PDE10A: variants seen among roughly 807,000 people sequenced by gnomAD.
PDE10A encodes the protein phosphodiesterase 10A.
Under a neutral mutation model 97.7 loss-of-function variants are expected in PDE10A, and 39 were observed. The observed-to-expected ratio is 0.40, with a 90% CI of 0.31 to 0.52. The LOEUF (loss-of-function observed/expected upper bound fraction) is 0.52. PDE10A is among the 20% of genes least tolerant of loss of function. PDE10A has a pLI of 0.56. For synonymous variants in PDE10A, 371 were observed against 376.8 expected, an observed-to-expected ratio of 0.98 and a Z score of 0.18; for missense variants, 731 against 1,047.8, an observed-to-expected ratio of 0.70 and a Z score of 4.17.
chr6:165,424,752 T>C (rs1788993772), intron 10 of PDE10A, among the ~76,000 whole-genome samples: 1 of 152,146 alleles, frequency 6.6e-6, no homozygotes, highest in Admixed American at 6.5e-5. Context: ...AATATTACAA[T>C]TAAATAGCCT....
At chr6:165,948,547 T>C (rs1298817999) in intron 1 of PDE10A, 4 of 152,280 alleles carry the variant, frequency 2.6e-5, no homozygotes, top group African/African-American at 7.2e-5. Context: ...GAAATGGCAG[T>C]GCGGCCTTCG....
At chr6:165,805,570 C>T (rs974024357) in intron 1 of PDE10A, among the ~76,000 whole-genome samples, 4 of 152,114 alleles carry the variant, frequency 2.6e-5, no homozygotes, top group African/African-American at 9.7e-5. Flanking sequence ...CCAGCCACTT[C>T]CCCGACCCTC....
At chr6:165,682,740 T>G (rs187761412) in intron 1 of PDE10A, among the ~76,000 whole-genome samples, 1 of 152,334 alleles carries the variant, frequency 6.6e-6, no homozygotes, top group Non-Finnish European at 1.5e-5. Flanking sequence ...TTTATGGCAC[T>G]TTGTTGTAGC....
intron 1 of PDE10A, among the ~76,000 whole-genome samples, chr6:165,546,109 G>A (rs558796370): frequency 6.6e-6 from 1 of 152,022 alleles, no homozygotes; most frequent in East Asian, 1.9e-4. Flanking sequence ...AAGCCATGAA[G>A]TAACATGGAT....
At chr6:165,426,065 C>T (rs1370276031) in intron 10 of PDE10A, among the ~76,000 whole-genome samples, 1 of 151,846 alleles carries the variant, frequency 6.6e-6, no homozygotes, top group Non-Finnish European at 1.5e-5. Flanking sequence ...GGAAAAATAC[C>T]TCACGTTCGT....
chr6:165,892,400 C>G (rs1781829117), intron 1 of PDE10A, among the ~76,000 whole-genome samples: 1 of 152,364 alleles, frequency 6.6e-6, no homozygotes, highest in South Asian at 2.1e-4. Context: ...CCACATCAGA[C>G]CACAGCAGGG....
chr6:165,780,164 TA>T (rs1406082586), intron 1 of PDE10A: 1 of 152,218 alleles, frequency 6.6e-6, no homozygotes, highest in East Asian at 1.9e-4. Flanking sequence ...ATTTAATAAA[TA>T]AAAATACTAA....
chr6:165,510,459 G>A (rs996779578), intron 2 of PDE10A, among the ~76,000 whole-genome samples: 1 of 151,910 alleles, frequency 6.6e-6, no homozygotes, highest in Admixed American at 6.6e-5. Context: ...TTGCATCTAT[G>A]TTTATCAGAG....
chr6:165,334,939 T>C (rs1781561300), intron 21 of PDE10A, among the ~76,000 whole-genome samples: 1 of 152,138 alleles, frequency 6.6e-6, no homozygotes, highest in Admixed American at 6.5e-5. Flanking sequence ...TGGTTTTGTG[T>C]AAAACTCTCT....
intron 1 of PDE10A, among the ~76,000 whole-genome samples, chr6:165,757,349 A>G (rs1159639689): frequency 6.6e-6 from 1 of 151,582 alleles, no homozygotes; most frequent in East Asian, 1.9e-4. Flanking sequence ...CTTTTACTTT[A>G]GTTTATCATG....
intron 6 of PDE10A, 146 bp from the exon 7 acceptor site, chr6:165,433,275 T>C (rs1789732296): frequency 5.2e-6 from 3 of 577,416 alleles, no homozygotes; most frequent in South Asian, 5.7e-5. Context: ...ATAGCCACCA[T>C]AAATCTTAGG....
intron 17 of PDE10A, among the ~76,000 whole-genome samples, chr6:165,387,190 G>A (rs930961609): frequency 5.9e-5 from 9 of 152,120 alleles, no homozygotes; most frequent in Non-Finnish European, 1.2e-4. Context: ...TACCTACTGG[G>A]GATGGCTTGA....
intron 1 of PDE10A, among the ~76,000 whole-genome samples, chr6:165,645,492 G>A (rs1789348514): frequency 6.6e-6 from 1 of 152,122 alleles, no homozygotes; most frequent in African/African-American, 2.4e-5. Flanking sequence ...CTTAGGGTGA[G>A]TTTACAGACA....
chr6:165,693,848 G>C (rs1169554788), intron 1 of PDE10A, among the ~76,000 whole-genome samples: 2 of 152,268 alleles, frequency 1.3e-5, no homozygotes, highest in East Asian at 3.9e-4. Flanking sequence ...GGGCCTTCCT[G>C]AAACAGTTCT....
At chr6:165,609,343 C>T (rs1048942896) in intron 1 of PDE10A, among the ~76,000 whole-genome samples, 19 of 152,178 alleles carry the variant, frequency 1.2e-4, no homozygotes, top group Admixed American at 2.0e-4. Flanking sequence ...AAATTAGGTA[C>T]TGATGGGACA....
chr6:165,894,666 A>C (rs907702416), intron 1 of PDE10A: 1 of 382,672 alleles, frequency 2.6e-6, no homozygotes, highest in Non-Finnish European at 5.2e-6. Flanking sequence ...CTGGCCACAT[A>C]GCACCTTGAG....
intron 13 of PDE10A, among the ~76,000 whole-genome samples, chr6:165,406,622 C>T (rs1312365417): frequency 2.0e-5 from 3 of 152,070 alleles, no homozygotes; most frequent in African/African-American, 7.3e-5. Flanking sequence ...ATGGTTAATT[C>T]TAAGTGTCAA....
intron 3 of PDE10A, among the ~76,000 whole-genome samples, chr6:165,451,864 A>C (rs549351773): frequency 1.3e-5 from 2 of 152,332 alleles, no homozygotes; most frequent in African/African-American, 4.8e-5. Context: ...TAAATAAGGC[A>C]GGTTTTTATA....
At chr6:165,625,930 G>A (rs1788365470) in intron 1 of PDE10A, among the ~76,000 whole-genome samples, 1 of 152,172 alleles carries the variant, frequency 6.6e-6, no homozygotes, top group African/African-American at 2.4e-5. Context: ...TGCGTTCGGG[G>A]GAAAGTAAAG....
Sources: allele counts gnomAD v4.1 joint callset (sites outside exome capture counted in the v4.1 genomes callset), GRCh38; gene constraint gnomAD v4.1.1; transcripts MANE v1.5; gene names NCBI Gene and HGNC (gene_info 2026-07-23, HGNC 2026-07-21).